The following C12orf50 variants were observed in gnomAD, a reference collection of about 807,000 sequenced individuals.
C12orf50 encodes the protein uncharacterized protein C12orf50.
Under a neutral mutation model 61.6 loss-of-function variants are expected in C12orf50, and 35 were observed. The observed-to-expected ratio is 0.57, with a 90% CI of 0.43 to 0.75. The LOEUF (loss-of-function observed/expected upper bound fraction) is 0.75, where lower values mean the gene tolerates loss of function less well. C12orf50 is among the 30% of genes least tolerant of loss of function. The pLI, the probability that C12orf50 is intolerant of heterozygous loss-of-function variation, is 0.00. For missense variants in C12orf50, 475 were observed against 488.5 expected, an observed-to-expected ratio of 0.97 and a Z score of 0.26; for synonymous variants, 178 against 161.5, an observed-to-expected ratio of 1.10 and a Z score of -0.77.
chr12:88,004,032 T>C (rs1179738399), intron 3 of C12orf50, among the ~76,000 whole-genome samples: 2 of 152,162 alleles, frequency 1.3e-5, no homozygotes, highest in African/African-American at 4.8e-5. Context: ...AGTTCTCAAA[T>C]CTACCCTTGA....
Position 87,998,104 on chromosome 12 carries a change from G to T in C12orf50, c.220C>A (p.Arg74=). The T allele has an allele frequency of 1.2e-6, 2 of 1,612,790 alleles. No individual in the cohort carries two copies. Among genetic ancestry groups the T allele is most frequent in the South Asian group, 1.1e-5 (1 of 91,002 alleles). ...EPLKPQENIS[R]PIHHPLVLKT... ...AAAACTAAAGGATGGTGGATGGGTC[G>T]TGATATATTTTCCTGAGGTTTCAGA... The change falls in exon 4 of 13, where the codon CGA becomes AGA. Residue 74 remains arginine, a synonymous_variant. Transcript: ENST00000298699.
intron 3 of C12orf50, among the ~76,000 whole-genome samples, chr12:88,004,760 C>G (rs2031789384): frequency 6.6e-6 from 1 of 152,138 alleles, no homozygotes; most frequent in Admixed American, 6.5e-5. Context: ...AGGCCATTAT[C>G]CTAAGCGAAC....
At position 87,994,637 on chromosome 12, in the gene C12orf50, A is replaced by G; in HGVS notation, c.588T>C (p.Asn196=). The G allele has an allele frequency of 1.2e-6, 2 of 1,603,036 alleles. No individual in the cohort carries two copies. Among genetic ancestry groups the G allele is most frequent in the South Asian group, 1.1e-5 (1 of 90,796 alleles). The change falls in exon 7 of 13, where the codon AAT becomes AAC. Residue 196 remains asparagine, a synonymous_variant. Transcript: ENST00000298699. Reference sequence around the variant, plus strand: ...ATCAGTAATAAATTAACTCACCTCCATTTTCAAAAGCAGCAATGTCAGTCT... The same window carrying G: ...ATCAGTAATAAATTAACTCACCTCCGTTTTCAAAAGCAGCAATGTCAGTCT... ...KPKTDIAAFE[N]GGGDCYVPQR...
chr12:87,991,985 C>T (rs1331925654), intron 7 of C12orf50, among the ~76,000 whole-genome samples: 1 of 152,128 alleles, frequency 6.6e-6, no homozygotes, highest in African/African-American at 2.4e-5. Context: ...TGAGGTCTAA[C>T]AATGGCAGTG....
At chr12:87,996,688 A>T (rs1323038351) in intron 4 of C12orf50, 42 bp from the exon 5 acceptor site, 1 of 1,431,882 alleles carries the variant, frequency 7.0e-7, no homozygotes, top group Non-Finnish European at 9.7e-7. Context: ...TCCCAAAGCC[A>T]ATTAATCTGA....
Position 87,989,358 on chromosome 12 carries a change from A to G in C12orf50, c.606T>C (p.Tyr202=), listed in dbSNP as rs377516437. 3 of 1,611,254 alleles carry G rather than the reference A, an allele frequency of 1.9e-6. No individual in the cohort carries two copies. The highest frequency in any genetic ancestry group is 2.2e-5 in the South Asian group (2 of 90,896). ...AAFENGGGDC[Y]VPQRVIFLGV... ...CAAGAAATATGACCCTCTGTGGAAC[A>G]TAACAGTCACCTCCTATGACAAAAC... The change falls in exon 8 of 13, where the codon TAT becomes TAC. Residue 202 remains tyrosine (Y), a synonymous_variant. Coordinates refer to ENST00000298699, the MANE Select transcript of C12orf50 (RefSeq NM_152589.3).
chr12:88,017,378 A>G (rs879600107), intron 3 of C12orf50, among the ~76,000 whole-genome samples: 2 of 152,178 alleles, frequency 1.3e-5, no homozygotes, highest in Non-Finnish European at 2.9e-5. Context: ...GCCTTCCACC[A>G]TGATTGTGAG....
At chr12:88,021,254 T>G (rs1364281032) in intron 3 of C12orf50, among the ~76,000 whole-genome samples, 1 of 151,206 alleles carries the variant, frequency 6.6e-6, no homozygotes, top group Non-Finnish European at 1.5e-5. Flanking sequence ...GTTGATTTTT[T>G]GAAAAAATTA....
chr12:87,998,555 A>T (rs2031518894), intron 3 of C12orf50, among the ~76,000 whole-genome samples: 1 of 152,190 alleles, frequency 6.6e-6, no homozygotes, highest in Admixed American at 6.5e-5. Flanking sequence ...AAATGGAAAG[A>T]TATCCTTGTT....
intron 9 of C12orf50, 96 bp downstream of exon 9, chr12:87,987,754 T>C: frequency 1.2e-6 from 1 of 818,768 alleles, no homozygotes; most frequent in Non-Finnish European, 2.0e-6. Context: ...AAACCTTTTT[T>C]CTTTCTTTTT....
intron 3 of C12orf50, among the ~76,000 whole-genome samples, chr12:88,004,162 T>C (rs2031762263): frequency 6.6e-6 from 1 of 152,192 alleles, no homozygotes; most frequent in Admixed American, 6.5e-5. Context: ...GATGTTGTCA[T>C]AATACCGTTC....
chr12:88,012,188 T>C (rs888385083), intron 3 of C12orf50, among the ~76,000 whole-genome samples: 13 of 152,232 alleles, frequency 8.5e-5, no homozygotes, highest in Non-Finnish European at 1.6e-4. Context: ...GGAGTACTTA[T>C]GAGAGACTAC....
intron 7 of C12orf50, among the ~76,000 whole-genome samples, chr12:87,991,757 A>G (rs2031133612): frequency 6.6e-6 from 1 of 152,182 alleles, no homozygotes; most frequent in African/African-American, 2.4e-5. Flanking sequence ...GTGGGTAAGG[A>G]TACAGAGCAA....
intron 3 of C12orf50, among the ~76,000 whole-genome samples, chr12:87,998,723 T>G (rs1246515073): frequency 6.6e-6 from 1 of 152,112 alleles, no homozygotes; most frequent in East Asian, 1.9e-4. Context: ...TAATCAAGAC[T>G]ATCTGGACTA....
At chr12:88,022,521 A>G (rs1482752863) in intron 3 of C12orf50, among the ~76,000 whole-genome samples, 1 of 152,170 alleles carries the variant, frequency 6.6e-6, no homozygotes, top group African/African-American at 2.4e-5. Context: ...CAGGCAAGAG[A>G]AAGAAAGAAA....
At chr12:88,016,267 G>C (rs1373871117) in intron 3 of C12orf50, among the ~76,000 whole-genome samples, 1 of 152,142 alleles carries the variant, frequency 6.6e-6, no homozygotes. Flanking sequence ...CTATGAAATG[G>C]TTTGTAATAA....
rs781126111 is a variant in C12orf50 at position 87,998,103 on chromosome 12, C to T, written c.221G>A (p.Arg74Gln). ...EPLKPQENISRPIHHPLVLKT... is the reference protein window; with the variant it reads ...EPLKPQENISQPIHHPLVLKT... ...TAAAACTAAAGGATGGTGGATGGGT[C>T]GTGATATATTTTCCTGAGGTTTCAG... Residue 74 changes from arginine to glutamine, a missense_variant, in exon 4 of 13, where the codon CGA becomes CAA. Arg to Gln is a conservative substitution (Grantham distance 43, BLOSUM62 1). Transcript: ENST00000298699. 18 of 1,612,802 alleles carry T rather than the reference C, an allele frequency of 1.1e-5. No homozygotes were observed. The highest frequency in any genetic ancestry group is 8.9e-5 in the East Asian group (4 of 44,772).
At chr12:87,993,661 T>C (rs1345997298) in intron 7 of C12orf50, among the ~76,000 whole-genome samples, 1 of 152,116 alleles carries the variant, frequency 6.6e-6, no homozygotes, top group Non-Finnish European at 1.5e-5. Context: ...GAGATACTGG[T>C]ACTTACTGAT....
chr12:88,008,880 C>G (rs1474988934), intron 3 of C12orf50, among the ~76,000 whole-genome samples: 1 of 152,106 alleles, frequency 6.6e-6, no homozygotes, highest in African/African-American at 2.4e-5. Context: ...TTTAATTTTG[C>G]TTATGTTTGA....
Sources: allele counts gnomAD v4.1 joint callset (sites outside exome capture counted in the v4.1 genomes callset), GRCh38; gene constraint gnomAD v4.1.1; transcripts MANE v1.5; gene names NCBI Gene and HGNC (gene_info 2026-07-23, HGNC 2026-07-21).